Variants in SLC9A9 observed in about 807,000 individuals in gnomAD.
SLC9A9 encodes sodium/hydrogen exchanger 9.
In SLC9A9, 62 loss-of-function variants were observed where a neutral mutation model predicts 77.8. The ratio of observed to expected loss-of-function variants is 0.80; its 90% confidence interval spans 0.65 to 0.98. The LOEUF (loss-of-function observed/expected upper bound fraction) is 0.98, where lower values mean the gene tolerates loss of function less well. Ranked by LOEUF, SLC9A9 falls within the 50% of genes least tolerant of loss-of-function variation. The pLI is 0.00. For synonymous variants in SLC9A9, 320 were observed against 283.5 expected (o/e 1.13, Z -1.29); for missense variants, 775 against 774.9 (o/e 1.00, Z 0.00).
intron 13 of SLC9A9, among the ~76,000 whole-genome samples, chr3:143,371,574 A>G (rs2033059813): frequency 6.6e-6 from 1 of 152,230 alleles, no homozygotes; most frequent in African/African-American, 2.4e-5. Context: ...ACTTGAAATG[A>G]CTCAGATGCT....
At chr3:143,824,929 C>T (rs928230734) in intron 2 of SLC9A9, among the ~76,000 whole-genome samples, 36 of 152,154 alleles carry the variant, frequency 2.4e-4, no homozygotes. Flanking sequence ...GAGCTGCATC[C>T]GCCCAAACAG....
At chr3:143,704,671 C>T (rs557818614) in intron 4 of SLC9A9, among the ~76,000 whole-genome samples, 1 of 149,712 alleles carries the variant, frequency 6.7e-6, no homozygotes, top group African/African-American at 2.5e-5. Context: ...TGGAAGCAAC[C>T]TAAGTGTCCA....
At chr3:143,749,032 C>CTT (rs923204574) in intron 4 of SLC9A9, among the ~76,000 whole-genome samples, 1 of 151,376 alleles carries the variant, frequency 6.6e-6, no homozygotes, top group African/African-American at 2.4e-5. Flanking sequence ...AACTTCAAGT[C>CTT]TTTTTTTTTC....
intron 13 of SLC9A9, among the ~76,000 whole-genome samples, chr3:143,377,048 A>T (rs2033195055): frequency 6.6e-6 from 1 of 152,194 alleles, no homozygotes; most frequent in Admixed American, 6.5e-5. Context: ...GTTAAGATTC[A>T]TTATTCTCTT....
intron 4 of SLC9A9, among the ~76,000 whole-genome samples, chr3:143,770,807 T>C (rs1469950408): frequency 6.6e-6 from 1 of 152,006 alleles, no homozygotes; most frequent in Non-Finnish European, 1.5e-5. Context: ...ACTAAACTCA[T>C]AGACGTAAGA....
chr3:143,503,726 T>C (rs2035963382), intron 9 of SLC9A9: 1 of 363,590 alleles, frequency 2.8e-6, no homozygotes, highest in South Asian at 2.2e-5. Context: ...GTCTTCTAGG[T>C]GGCATTGATG....
intron 2 of SLC9A9, among the ~76,000 whole-genome samples, chr3:143,800,553 A>G (rs2008522933): frequency 6.6e-6 from 1 of 151,998 alleles, no homozygotes; most frequent in Non-Finnish European, 1.5e-5. Context: ...TTTTTTCACT[A>G]TTCCCCTGCA....
intron 4 of SLC9A9, among the ~76,000 whole-genome samples, chr3:143,745,189 C>CCAGACAAAA (rs1680720368): frequency 6.6e-6 from 1 of 151,260 alleles, no homozygotes; most frequent in African/African-American, 2.4e-5. Context: ...GATGAGGCTT[C>CCAGACAAAA]CAGACAAAAC....
At chr3:143,748,507 A>C (rs924871273) in intron 4 of SLC9A9, among the ~76,000 whole-genome samples, 1 of 152,072 alleles carries the variant, frequency 6.6e-6, no homozygotes, top group Non-Finnish European at 1.5e-5. Context: ...CCCTCACTAA[A>C]TGTCTGGCTG....
At chr3:143,534,730 T>C (rs2036565447) in intron 9 of SLC9A9, among the ~76,000 whole-genome samples, 1 of 152,196 alleles carries the variant, frequency 6.6e-6, no homozygotes, top group African/African-American at 2.4e-5. Flanking sequence ...GGTGCTAGGC[T>C]TGATGTCTGG....
At chr3:143,519,159 A>C (rs2036252729) in intron 9 of SLC9A9, among the ~76,000 whole-genome samples, 1 of 152,230 alleles carries the variant, frequency 6.6e-6, no homozygotes, top group Non-Finnish European at 1.5e-5. Context: ...CAAGACAAAT[A>C]ACTTAAACAT....
At chr3:143,414,895 C>A (rs1400689031) in intron 12 of SLC9A9, among the ~76,000 whole-genome samples, 1 of 152,152 alleles carries the variant, frequency 6.6e-6, no homozygotes, top group East Asian at 1.9e-4. Context: ...GCCTCTTACA[C>A]CAAACAGCCA....
intron 11 of SLC9A9, among the ~76,000 whole-genome samples, chr3:143,472,861 A>G (rs570078465): frequency 5.1e-4 from 78 of 152,332 alleles, no homozygotes; most frequent in African/African-American, 1.4e-3. Flanking sequence ...TTATTTATTG[A>G]GATCCTTTAA....
intron 4 of SLC9A9, among the ~76,000 whole-genome samples, chr3:143,774,870 G>A (rs753668139): frequency 3.3e-5 from 5 of 152,074 alleles, no homozygotes; most frequent in Non-Finnish European, 5.9e-5. Context: ...TGTCTGCTTC[G>A]CCTCAACTGC....
At chr3:143,671,528 A>T (rs545871465) in intron 5 of SLC9A9, among the ~76,000 whole-genome samples, 161 of 152,336 alleles carry the variant, frequency 1.1e-3, no homozygotes, top group Middle Eastern at 3.4e-3. Flanking sequence ...CTGTCTGTAG[A>T]AGCTCTTTGA....
At chr3:143,442,682 G>T (rs185052774) in intron 12 of SLC9A9, among the ~76,000 whole-genome samples, 5 of 152,314 alleles carry the variant, frequency 3.3e-5, no homozygotes, top group African/African-American at 1.2e-4. Flanking sequence ...AGATTGTTGT[G>T]CTACCGCACT....
At chr3:143,578,555 C>A (rs776204018) in intron 7 of SLC9A9, 30 bp downstream of exon 7, 2 of 1,613,604 alleles carry the variant, frequency 1.2e-6, no homozygotes, top group Admixed American at 1.7e-5. Flanking sequence ...TCTTGACAGT[C>A]CCAGCTTTCC....
At chr3:143,714,856 C>A (rs750849467) in intron 4 of SLC9A9, among the ~76,000 whole-genome samples, 3 of 152,088 alleles carry the variant, frequency 2.0e-5, no homozygotes, top group Non-Finnish European at 2.9e-5. Flanking sequence ...GTGTCTCCAC[C>A]CAAATCTCAT....
chr3:143,418,829 G>C (rs960416611), intron 12 of SLC9A9, among the ~76,000 whole-genome samples: 10 of 152,158 alleles, frequency 6.6e-5, no homozygotes, highest in African/African-American at 2.4e-4. Context: ...AGCAGCCCAG[G>C]TGCTGGCAGG....
Sources: gnomAD v4.1 joint callset for allele counts (sites outside exome capture counted in the v4.1 genomes callset) on GRCh38, gnomAD v4.1.1 for gene constraint, MANE v1.5 for transcripts, NCBI Gene and HGNC (gene_info 2026-07-23, HGNC 2026-07-21) for gene names.